Variants in TMEM229B observed in about 807,000 individuals in gnomAD.
TMEM229B encodes transmembrane protein 229B, also known as chromosome 14 open reading frame 83.
Under a neutral mutation model 13.7 loss-of-function variants are expected in TMEM229B, and 6 were observed. That is an observed-to-expected ratio of 0.44 (90% confidence interval 0.24 to 0.86). The LOEUF (loss-of-function observed/expected upper bound fraction) is 0.86. TMEM229B is among the 40% of genes least tolerant of loss of function. The pLI, the probability that TMEM229B is intolerant of heterozygous loss-of-function variation, is 0.23. For synonymous variants in TMEM229B, 107 were observed against 102.1 expected, an observed-to-expected ratio of 1.05 and a Z score of -0.29; for missense variants, 170 against 236.0, an observed-to-expected ratio of 0.72 and a Z score of 1.83.
chr14:67,483,868 T>G (rs933643202), intron 2 of TMEM229B, among the ~76,000 whole-genome samples: 17 of 152,002 alleles, frequency 1.1e-4, no homozygotes, highest in African/African-American at 4.1e-4. Flanking sequence ...ACACAGAGGA[T>G]TTCAGGGGGC....
At chr14:67,489,602 C>T (rs553360518), upstream of TMEM229B, among the ~76,000 whole-genome samples, 2 of 152,298 alleles carry the variant, frequency 1.3e-5, no homozygotes, top group African/African-American at 2.4e-5. Context: ...CACTCCTTTG[C>T]GATGCCGTCC....
chr14:67,489,785 T>C (rs1302929352), upstream of TMEM229B, among the ~76,000 whole-genome samples: 1 of 152,118 alleles, frequency 6.6e-6, no homozygotes, highest in Non-Finnish European at 1.5e-5. Context: ...GGTCAGGAGA[T>C]CGAGACCATC....
chr14:67,514,399 G>A (rs1016569215), intron 1 of TMEM229B, among the ~76,000 whole-genome samples: 1 of 152,176 alleles, frequency 6.6e-6, no homozygotes, highest in African/African-American at 2.4e-5. Context: ...ATCCCAGCCA[G>A]GCATCTCTCA....
intron 2 of TMEM229B, among the ~76,000 whole-genome samples, chr14:67,481,135 A>G (rs1386902619): frequency 6.6e-6 from 1 of 152,022 alleles, no homozygotes; most frequent in Non-Finnish European, 1.5e-5. Context: ...CTACAAAAAG[A>G]AAAAAAAGTA....
In TMEM229B at chr14:67,475,264, C is replaced by T. The variant is rs150728836; in HGVS notation, c.-18-1323G>A. Among the ~76,000 whole-genome samples the T allele has an allele frequency of 5.3e-4, 81 of 152,282 alleles. 1 individual carries two copies. Among genetic ancestry groups the T allele is most frequent in the African/African-American group, 1.8e-3 (76 of 41,560 alleles). On this transcript the variant is annotated intron_variant, in intron 2 of 2. Coordinates refer to ENST00000554480, the MANE Select transcript of TMEM229B (RefSeq NM_001348543.2). ...GAATCATATTCCATTGTATATATCA[C>T]CATATTTTGTTTATCCATTCATCCA... is the stretch of plus-strand genomic sequence containing the variant.
intron 2 of TMEM229B, among the ~76,000 whole-genome samples, chr14:67,479,870 T>C (rs147730334): frequency 6.6e-6 from 1 of 152,268 alleles, no homozygotes; most frequent in African/African-American, 2.4e-5. Flanking sequence ...TCCTGTGTCA[T>C]CCAACAACAA....
chr14:67,497,315 G>A (rs1394451076), intron 1 of TMEM229B, among the ~76,000 whole-genome samples: 1 of 152,138 alleles, frequency 6.6e-6, no homozygotes, highest in African/African-American at 2.4e-5. Flanking sequence ...ACCCAGGCAC[G>A]TGGAGTTAAG....
chr14:67,507,650 A>G (rs1396739925), intron 1 of TMEM229B, among the ~76,000 whole-genome samples: 1 of 152,150 alleles, frequency 6.6e-6, no homozygotes, highest in Non-Finnish European at 1.5e-5. Flanking sequence ...TGTGTTGCCT[A>G]GGCTAGTCTT....
In TMEM229B at chr14:67,500,603, G is replaced by A. The variant is rs866556709; in HGVS notation, c.-191-13431C>T. On this transcript the variant is annotated intron_variant, in intron 1 of 2. Transcript: ENST00000357461. ...TTTTTTTTTTTTGAGATGGAGTCTCGCTCTGTCCCCCAGGCTGGAGTGCAG... is the reference window on the plus strand; with the variant it reads ...TTTTTTTTTTTTGAGATGGAGTCTCACTCTGTCCCCCAGGCTGGAGTGCAG... Among the ~76,000 whole-genome samples, 10 of 141,272 alleles carry A rather than the reference G, an allele frequency of 7.1e-5. 1 individual carries two copies. The highest frequency in any genetic ancestry group is 2.4e-4 in the African/African-American group (9 of 37,396). The allele number at this position is 141,272 out of a possible 152,430, so 92.7% of individuals were successfully genotyped here.
chr14:67,516,526 TG>T (rs1388298385), upstream of TMEM229B, among the ~76,000 whole-genome samples: 1 of 152,180 alleles, frequency 6.6e-6, no homozygotes, highest in African/African-American at 2.4e-5. Context: ...AAGGAACCTA[TG>T]GTTCATCCAG....
At chr14:67,503,763 G>A (rs768795218) in intron 1 of TMEM229B, among the ~76,000 whole-genome samples, 17 of 151,994 alleles carry the variant, frequency 1.1e-4, no homozygotes, top group East Asian at 1.9e-4. Flanking sequence ...GAGTACAGTC[G>A]TGCGATCTCA....
chr14:67,508,956 T>G (rs976287839), intron 1 of TMEM229B, among the ~76,000 whole-genome samples: 1 of 151,948 alleles, frequency 6.6e-6, no homozygotes, highest in African/African-American at 2.4e-5. Context: ...CACAGCTGAA[T>G]TATAATGATG....
chr14:67,471,039 G>A lies in TMEM229B; in HGVS notation c.*2381C>T, dbSNP rs2030682042. ...AGATCCCGTGGTCAGGCCATGGGTT[G>A]TTGCCTTCCTTTGCTGGAGGTTTGA... On this transcript the variant is annotated 3_prime_UTR_variant, in exon 3 of 3. Coordinates refer to ENST00000554480, the MANE Select transcript of TMEM229B (RefSeq NM_001348543.2). The A allele has an allele frequency of 6.6e-6, 1 of 152,242 alleles. No individual in the cohort carries two copies. Among genetic ancestry groups the A allele is most frequent in the African/African-American group, 2.4e-5 (1 of 41,438 alleles). 9.4% of individuals were successfully genotyped at this position (152,242 alleles called of 1,614,324 possible). A position where few individuals can be genotyped will look rare whatever the true frequency, so the allele number is the denominator to read the frequency against.
intron 1 of TMEM229B, among the ~76,000 whole-genome samples, chr14:67,526,855 C>T (rs1479407564): frequency 6.6e-6 from 1 of 152,078 alleles, no homozygotes; most frequent in Non-Finnish European, 1.5e-5. Context: ...GAACTCACCC[C>T]CTTTTACAAA....
upstream of TMEM229B, among the ~76,000 whole-genome samples, chr14:67,490,712 C>T (rs1336011208): frequency 1.3e-5 from 2 of 152,186 alleles, no homozygotes; most frequent in African/African-American, 4.8e-5. Flanking sequence ...CTCATCATCT[C>T]CTTGGCCTGG....
At chr14:67,486,049 T>C (rs1011928445) in intron 2 of TMEM229B, among the ~76,000 whole-genome samples, 2 of 152,222 alleles carry the variant, frequency 1.3e-5, no homozygotes, top group South Asian at 4.1e-4. Flanking sequence ...TGCACAGATC[T>C]GAAGCCTGAC....
At chr14:67,533,136 G>A (rs2033522148) in intron 1 of TMEM229B, among the ~76,000 whole-genome samples, 1 of 152,288 alleles carries the variant, frequency 6.6e-6, no homozygotes, top group Non-Finnish European at 1.5e-5. Context: ...GGAGCGGGCG[G>A]GGAGCCGAGG....
At chr14:67,530,051 G>C (rs1010617849) in intron 1 of TMEM229B, among the ~76,000 whole-genome samples, 1 of 152,212 alleles carries the variant, frequency 6.6e-6, no homozygotes, top group Non-Finnish European at 1.5e-5. Context: ...TACAAGGGAA[G>C]ATGAATTGTC....
At chr14:67,497,446 G>A (rs775480168) in intron 1 of TMEM229B, among the ~76,000 whole-genome samples, 1 of 152,074 alleles carries the variant, frequency 6.6e-6, no homozygotes, top group Non-Finnish European at 1.5e-5. Context: ...GGGCAGCTCC[G>A]TCAGCACTAT....
Sources: gnomAD v4.1 joint callset for allele counts (sites outside exome capture counted in the v4.1 genomes callset) on GRCh38, gnomAD v4.1.1 for gene constraint, MANE v1.5 for transcripts, NCBI Gene and HGNC (gene_info 2026-07-23, HGNC 2026-07-21) for gene names.